The following SPEF2 variants were observed in gnomAD, a reference collection of about 807,000 sequenced individuals.
SPEF2 encodes the protein sperm flagella and cilia-associated protein 2.
Under a neutral mutation model 224.6 loss-of-function variants are expected in SPEF2, and 187 were observed. That is an observed-to-expected ratio of 0.83 (90% CI 0.74 to 0.94). The LOEUF is 0.94. Among genes scored for constraint, SPEF2 ranks in the 40% least tolerant of loss-of-function variants. The pLI is 0.00. For synonymous variants in SPEF2, 715 were observed against 707.3 expected, an observed-to-expected ratio of 1.01 and a Z score of -0.17; for missense variants, 2,170 against 2,135.6, an observed-to-expected ratio of 1.02 and a Z score of -0.32.
intron 6 of SPEF2, among the ~76,000 whole-genome samples, chr5:35,651,725 C>T (rs1191559437): frequency 1.3e-5 from 2 of 152,188 alleles, no homozygotes; most frequent in Non-Finnish European, 2.9e-5. Flanking sequence ...TACAGTCTCC[C>T]AACTTGAACC....
chr5:35,630,256 G>A (rs1744897625), intron 2 of SPEF2, among the ~76,000 whole-genome samples: 1 of 152,156 alleles, frequency 6.6e-6, no homozygotes, highest in Non-Finnish European at 1.5e-5. Context: ...TCTGGTTTCT[G>A]GAGGACGGTT....
intron 20 of SPEF2, among the ~76,000 whole-genome samples, chr5:35,722,118 G>A (rs937561733): frequency 6.6e-6 from 1 of 152,082 alleles, no homozygotes; most frequent in Non-Finnish European, 1.5e-5. Flanking sequence ...GTTTAAAAAT[G>A]TCTGGGAAAG....
chr5:35,751,390 AG>A (rs1749630312), intron 23 of SPEF2, among the ~76,000 whole-genome samples: 1 of 151,182 alleles, frequency 6.6e-6, no homozygotes, highest in Non-Finnish European at 1.5e-5. Context: ...TGATGAGTAC[AG>A]CAAAATCTCA....
At chr5:35,696,711 T>C (rs1470445535) in intron 14 of SPEF2, among the ~76,000 whole-genome samples, 1 of 152,138 alleles carries the variant, frequency 6.6e-6, no homozygotes, top group Non-Finnish European at 1.5e-5. Context: ...ATAAATATGA[T>C]ATTGAAGATG....
chr5:35,776,404 C>G lies in SPEF2; in HGVS notation c.4217+9C>G. On this transcript the variant is annotated intron_variant, in intron 29 of 36. Transcript: ENST00000356031. ...TTGAATGAAATGGCCAGGTAAAGTA[C>G]TACATGACTTTCTGAAAATATGCTT... The G allele has an allele frequency of 6.3e-7, 1 of 1,592,670 alleles. No homozygotes were observed. The highest frequency in any genetic ancestry group is 8.5e-7 in the Non-Finnish European group (1 of 1,172,602).
At chr5:35,621,012 C>G (rs1379911195) in intron 1 of SPEF2, among the ~76,000 whole-genome samples, 1 of 152,070 alleles carries the variant, frequency 6.6e-6, no homozygotes, top group Non-Finnish European at 1.5e-5. Context: ...GGTAGCTTTT[C>G]TTTATATATC....
intron 2 of SPEF2, among the ~76,000 whole-genome samples, chr5:35,638,716 A>G (rs1273139635): frequency 6.6e-6 from 1 of 152,116 alleles, no homozygotes; most frequent in African/African-American, 2.4e-5. Context: ...AGGAGCCCAA[A>G]CAACGTTTAA....
chr5:35,805,630 C>T (rs1757959769), intron 34 of SPEF2, among the ~76,000 whole-genome samples: 1 of 152,144 alleles, frequency 6.6e-6, no homozygotes, highest in Admixed American at 6.5e-5. Context: ...CATACATACA[C>T]ACATGTATGC....
chr5:35,793,311 G>C lies in SPEF2; in HGVS notation c.4707G>C (p.Leu1569Phe), dbSNP rs1445998876. 1 of 1,613,834 alleles carries C rather than the reference G, an allele frequency of 6.2e-7. No individual in the cohort carries two copies. Among genetic ancestry groups the C allele is most frequent in the South Asian group, 1.1e-5 (1 of 91,024 alleles). The change falls in exon 32 of 37, where the codon TTG becomes TTC. Residue 1569 changes from leucine (L) to phenylalanine (F), a missense_variant. Coordinates refer to ENST00000356031, the MANE Select transcript of SPEF2 (RefSeq NM_024867.4). Reference sequence around the variant, plus strand: ...TCAAGGCTGTGGATAAGGAGCAGTTGGGCACCATCACTTTTGAGCAGTATA... The same window carrying C: ...TCAAGGCTGTGGATAAGGAGCAGTTCGGCACCATCACTTTTGAGCAGTATA... ...QKFKAVDKEQLGTITFEQYMQ... is the reference protein window; with the variant it reads ...QKFKAVDKEQFGTITFEQYMQ...
chr5:35,629,555 A>G (rs1458749601), intron 2 of SPEF2, among the ~76,000 whole-genome samples: 1 of 152,138 alleles, frequency 6.6e-6, no homozygotes, highest in Non-Finnish European at 1.5e-5. Flanking sequence ...ATAGAACTTA[A>G]CTACTAATAA....
At position 35,700,625 on chromosome 5, in the gene SPEF2, A is replaced by C. The variant is rs201095513; in HGVS notation, c.2271A>C (p.Gln757His). The change falls in exon 16 of 37, where the codon CAA becomes CAC. Residue 757 changes from glutamine (Q) to histidine (H), a missense_variant. By Grantham distance (24) the Gln-to-His change is conservative. Transcript: ENST00000356031. ...CAGAAGTGGAAAGAAAAAAAGCACAAAAATCCACATTGGCTATTGATCCTG... is the reference window on the plus strand; with the variant it reads ...CAGAAGTGGAAAGAAAAAAAGCACACAAATCCACATTGGCTATTGATCCTG... Reference protein sequence around the residue: ...NLTEVERKKAQKSTLAIDPAT... With the variant: ...NLTEVERKKAHKSTLAIDPAT... 1 of 1,614,036 alleles carries C rather than the reference A, an allele frequency of 6.2e-7. No homozygotes were observed.
intron 23 of SPEF2, among the ~76,000 whole-genome samples, chr5:35,751,001 A>ATATATACG (rs1749351302): frequency 1.1e-5 from 1 of 91,584 alleles, no homozygotes; most frequent in African/African-American, 3.7e-5. Flanking sequence ...ATATATGTAT[A>ATATATACG]TATATATATA....
chr5:35,683,161 C>T (rs1364004507), intron 10 of SPEF2, among the ~76,000 whole-genome samples: 1 of 152,136 alleles, frequency 6.6e-6, no homozygotes, highest in Non-Finnish European at 1.5e-5. Context: ...CCATTAGGCT[C>T]CTACAACAGG....
chr5:35,761,511 G>A (rs150734478), intron 25 of SPEF2, among the ~76,000 whole-genome samples: 219 of 152,132 alleles, frequency 1.4e-3, no homozygotes, highest in African/African-American at 4.3e-3. Context: ...TTTATGCAGC[G>A]ATCCAAAGCC....
chr5:35,670,941 A>G (rs2149480480), intron 10 of SPEF2: 1 of 985,380 alleles, frequency 1.0e-6, no homozygotes, highest in African/African-American at 1.7e-5. Flanking sequence ...GGATGCATAT[A>G]ATACATATCC....
chr5:35,746,287 A>G (rs1748509664), intron 23 of SPEF2, among the ~76,000 whole-genome samples: 2 of 152,190 alleles, frequency 1.3e-5, no homozygotes, highest in Non-Finnish European at 2.9e-5. Flanking sequence ...AAAAAATCAC[A>G]CTAGTTCACC....
In SPEF2 at chr5:35,800,103, C is replaced by T; in HGVS notation, c.4966C>T (p.His1656Tyr). The part of the protein sequence containing the change: ...YRALSVAVGT[H>Y]VFQQVKASIP... ...GGCCCTCAGTGTGGCTGTTGGAACT[C>T]ATGTCTTCCAACAAGTCAAAGCTTC... Residue 1656 changes from histidine (H) to tyrosine (Y), a missense_variant, in exon 34 of 37, where the codon CAT becomes TAT. Coordinates refer to ENST00000356031, the MANE Select transcript of SPEF2 (RefSeq NM_024867.4). 10 of 1,614,088 alleles carry T rather than the reference C, an allele frequency of 6.2e-6. No homozygotes were observed. The highest frequency in any genetic ancestry group is 8.5e-6 in the Non-Finnish European group (10 of 1,180,006).
At chr5:35,743,161 T>C (rs564878843) in intron 23 of SPEF2, among the ~76,000 whole-genome samples, 1 of 151,880 alleles carries the variant, frequency 6.6e-6, no homozygotes, top group African/African-American at 2.4e-5. Flanking sequence ...TTTATTTTTC[T>C]TCACTTATTA....
intron 24 of SPEF2, 122 bp downstream of exon 24, chr5:35,753,883 T>A: frequency 8.5e-7 from 1 of 1,173,638 alleles, no homozygotes; most frequent in Non-Finnish European, 1.2e-6. Context: ...GGTATAGCAC[T>A]ATGCCTGGTA....
Sources: allele counts gnomAD v4.1 joint callset (sites outside exome capture counted in the v4.1 genomes callset), GRCh38; gene constraint gnomAD v4.1.1; transcripts MANE v1.5; gene names NCBI Gene and HGNC (gene_info 2026-07-23, HGNC 2026-07-21).